KIAA1549L: variants seen among roughly 807,000 people sequenced by gnomAD.
KIAA1549L encodes the protein KIAA1549 like.
In KIAA1549L, 88 loss-of-function variants were observed where a neutral mutation model predicts 160.7. The observed-to-expected ratio is 0.55, with a 90% CI of 0.46 to 0.65. KIAA1549L has a LOEUF of 0.65. Among genes scored for constraint, KIAA1549L ranks in the 30% least tolerant of loss-of-function variants. KIAA1549L has a pLI of 0.00. For synonymous variants in KIAA1549L, 950 were observed against 976.7 expected (o/e 0.97, Z 0.51); for missense variants, 2,258 against 2,437.5 (o/e 0.93, Z 1.55).
chr11:33,386,862 T>C (rs1850183307), intron 1 of KIAA1549L, among the ~76,000 whole-genome samples: 1 of 152,134 alleles, frequency 6.6e-6, no homozygotes, highest in Non-Finnish European at 1.5e-5. Flanking sequence ...ATCCCAACAC[T>C]TTGGGAGCCC....
chr11:33,446,668 C>CTT (rs938940295), intron 1 of KIAA1549L, among the ~76,000 whole-genome samples: 2 of 147,498 alleles, frequency 1.4e-5, no homozygotes. Flanking sequence ...CTAGAGGATA[C>CTT]TTTTTTTTTT....
At chr11:33,588,880 T>C (rs1849960078) in intron 11 of KIAA1549L, among the ~76,000 whole-genome samples, 1 of 152,146 alleles carries the variant, frequency 6.6e-6, no homozygotes, top group East Asian at 1.9e-4. Flanking sequence ...CTGGGGGAGC[T>C]GTCCATGGCA....
chr11:33,439,966 T>C (rs1851462274), intron 1 of KIAA1549L, among the ~76,000 whole-genome samples: 1 of 152,070 alleles, frequency 6.6e-6, no homozygotes. Context: ...ATCTGGAACA[T>C]TTAGTCTATT....
chr11:33,411,860 C>T (rs574884655), intron 1 of KIAA1549L, among the ~76,000 whole-genome samples: 3 of 152,262 alleles, frequency 2.0e-5, no homozygotes, highest in Admixed American at 1.3e-4. Flanking sequence ...GACTCAGGTT[C>T]GATGGATGTA....
At position 33,545,388 on chromosome 11, in the gene KIAA1549L, C is replaced by T. The variant is rs1565179094; in HGVS notation, c.3385+10C>T. ...CTCCTGGTGAAGACAGGTATGAGAC[C>T]ACTGTTCTGATCTGAAAGCAGCAAG... is the stretch of plus-strand genomic sequence containing the variant. On this transcript the variant is annotated intron_variant, in intron 3 of 20. Coordinates refer to ENST00000658780, the MANE Select transcript of KIAA1549L (RefSeq NM_012194.3). The T allele has an allele frequency of 5.0e-6, 8 of 1,597,322 alleles. No individual in the cohort carries two copies. The East Asian group carries it at 1.8e-4, about 36-fold the overall frequency.
chr11:33,570,863 G>T (rs1468326767), intron 9 of KIAA1549L, among the ~76,000 whole-genome samples: 1 of 152,168 alleles, frequency 6.6e-6, no homozygotes, highest in Non-Finnish European at 1.5e-5. Flanking sequence ...CCAAAGATTA[G>T]TAAAATACTA....
chr11:33,560,939 T>C (rs1382127473), intron 7 of KIAA1549L, among the ~76,000 whole-genome samples: 2 of 152,188 alleles, frequency 1.3e-5, no homozygotes, highest in Non-Finnish European at 2.9e-5. Flanking sequence ...AAAGATGGCA[T>C]TATGTCACAT....
At chr11:33,480,525 G>A (rs913354708) in intron 1 of KIAA1549L, among the ~76,000 whole-genome samples, 1 of 152,120 alleles carries the variant, frequency 6.6e-6, no homozygotes, top group African/African-American at 2.4e-5. Context: ...TTTCTCTTTG[G>A]TGTATACTTT....
Position 33,543,683 on chromosome 11 carries a change from T to C in KIAA1549L, c.2120T>C (p.Leu707Pro), listed in dbSNP as rs1854118966. The C allele has an allele frequency of 6.2e-7, 1 of 1,613,906 alleles. No individual in the cohort carries two copies. Among genetic ancestry groups the C allele is most frequent in the Non-Finnish European group, 8.5e-7 (1 of 1,179,900 alleles). Residue 707 changes from leucine to proline, a missense_variant, in exon 2 of 21, where the codon CTT becomes CCT. Physicochemically the swap from Leu to Pro is moderately conservative, Grantham distance 98. Coordinates refer to ENST00000658780, the MANE Select transcript of KIAA1549L (RefSeq NM_012194.3). The stretch of plus-strand genomic sequence containing the variant: ...TCTCTTTCAGCAGAAACTGGATCTC[T>C]TTCCACAGAATCAATAATATCTGGC... ...WSSLSAETGS[L>P]STESIISGLQ...
intron 1 of KIAA1549L, among the ~76,000 whole-genome samples, chr11:33,480,873 G>C (rs1031661967): frequency 5.9e-5 from 9 of 152,176 alleles, no homozygotes; most frequent in African/African-American, 2.2e-4. Context: ...TCCCTCCTAG[G>C]ACATCACGTG....
chr11:33,536,864 A>G (rs995408545), intron 1 of KIAA1549L, among the ~76,000 whole-genome samples: 22 of 152,142 alleles, frequency 1.4e-4, no homozygotes, highest in African/African-American at 4.8e-4. Flanking sequence ...TTTTCTAAGC[A>G]CTCTGCCATC....
rs776417410 is a variant in KIAA1549L, at chr11:33,545,058, A to G, written c.3065A>G (p.His1022Arg). The change falls in exon 3 of 21, where the codon CAT becomes CGT. Residue 1022 changes from histidine to arginine, a missense_variant. His to Arg is a conservative substitution (Grantham distance 29, BLOSUM62 0). Transcript: ENST00000658780. ...YARTGHTTST[H>R]TAMQGNMDTA... ...AGAACAGGACATACCACGAGCACAC[A>G]TACAGCCATGCAAGGAAACATGGAC... 1.9e-6 allele frequency: 3 copies of G among 1,613,936 alleles called. No homozygotes were observed. The South Asian group carries it at 3.3e-5, about 18-fold the overall frequency.
chr11:33,576,716 C>T (rs929836067), intron 10 of KIAA1549L, among the ~76,000 whole-genome samples: 5 of 152,118 alleles, frequency 3.3e-5, no homozygotes, highest in East Asian at 1.9e-4. Flanking sequence ...GGGAAGGAAG[C>T]GGGGCTCAGA....
intron 1 of KIAA1549L, among the ~76,000 whole-genome samples, chr11:33,425,472 T>C (rs918861040): frequency 6.6e-6 from 1 of 152,222 alleles, no homozygotes; most frequent in Middle Eastern, 3.2e-3. Flanking sequence ...TAGCTTTCAT[T>C]GGAGAAGCCC....
At position 33,668,514 on chromosome 11, in the gene KIAA1549L, A is replaced by G. The variant is rs2133468277; in HGVS notation, c.*360A>G. On this transcript the variant is annotated 3_prime_UTR_variant, in exon 21 of 21. Coordinates refer to ENST00000658780, the MANE Select transcript of KIAA1549L (RefSeq NM_012194.3). ...TTAATAAATCACCGGAAGCGGGAGA[A>G]TGTAGCTCTTATCTTCGGTGACCTC... 2 of 300,120 alleles carry G rather than the reference A, an allele frequency of 6.7e-6. No homozygotes were observed. The highest frequency in any genetic ancestry group is 1.3e-5 in the Non-Finnish European group (2 of 157,978). The allele number at this position is 300,120 out of a possible 1,614,324, so 18.6% of individuals were successfully genotyped here. A position where few individuals can be genotyped will look rare whatever the true frequency, so the allele number is the denominator to read the frequency against.
chr11:33,554,352 A>G (rs1854574905), intron 6 of KIAA1549L, among the ~76,000 whole-genome samples: 1 of 152,212 alleles, frequency 6.6e-6, no homozygotes, highest in Non-Finnish European at 1.5e-5. Context: ...CAGTGGACTC[A>G]ATTAGGACGT....
intron 17 of KIAA1549L, among the ~76,000 whole-genome samples, chr11:33,652,686 T>G (rs1280553738): frequency 6.6e-6 from 1 of 152,200 alleles, no homozygotes; most frequent in Non-Finnish European, 1.5e-5. Context: ...GGGCTGTAAA[T>G]CTCCTTTGTC....
intron 10 of KIAA1549L, among the ~76,000 whole-genome samples, chr11:33,581,997 C>A (rs573844550): frequency 6.6e-6 from 1 of 152,164 alleles, no homozygotes; most frequent in East Asian, 1.9e-4. Context: ...CATTTTTCTC[C>A]ATCAGGATAA....
At chr11:33,480,115 C>T (rs972488624) in intron 1 of KIAA1549L, among the ~76,000 whole-genome samples, 2 of 152,124 alleles carry the variant, frequency 1.3e-5, no homozygotes, top group African/African-American at 2.4e-5. Flanking sequence ...TACAATACAG[C>T]TCACCCGTTT....
Sources: allele counts gnomAD v4.1 joint callset (sites outside exome capture counted in the v4.1 genomes callset), GRCh38; gene constraint gnomAD v4.1.1; transcripts MANE v1.5; gene names NCBI Gene and HGNC (gene_info 2026-07-23, HGNC 2026-07-21).